FAM107B: variants seen among roughly 807,000 people sequenced by gnomAD.
FAM107B encodes the protein family with sequence similarity 107 member B.
In FAM107B, 21 loss-of-function variants were observed where a neutral mutation model predicts 31.5. That is an observed-to-expected ratio of 0.67 (90% CI 0.47 to 0.96). The LOEUF (loss-of-function observed/expected upper bound fraction) is 0.96. Ranked by LOEUF, FAM107B falls within the 40% of genes least tolerant of loss-of-function variation. The pLI is 0.00. For synonymous variants in FAM107B, 157 were observed against 141.5 expected (o/e 1.11, Z -0.78); for missense variants, 452 against 377.1 (o/e 1.20, Z -1.64).
intron 1 of FAM107B, among the ~76,000 whole-genome samples, chr10:14,704,298 TGTTA>T (rs1367020037): frequency 2.0e-5 from 3 of 152,190 alleles, no homozygotes; most frequent in African/African-American, 7.2e-5. Context: ...TGTGTGTGTG[TGTTA>T]GTATGTATCA....
intron 1 of FAM107B, among the ~76,000 whole-genome samples, chr10:14,692,573 T>C (rs541614077): frequency 6.6e-6 from 1 of 152,336 alleles, no homozygotes; most frequent in East Asian, 1.9e-4. Context: ...AAATCTACCT[T>C]ACTTTCCCCT....
chr10:14,766,516 C>T (rs1049423016), intron 1 of FAM107B, among the ~76,000 whole-genome samples: 1 of 151,992 alleles, frequency 6.6e-6, no homozygotes, highest in Non-Finnish European at 1.5e-5. Context: ...CAGAGAGGTA[C>T]TTTGTATTGG....
chr10:14,753,942 C>CTTTT (rs199813069), intron 1 of FAM107B, among the ~76,000 whole-genome samples: 1 of 134,138 alleles, frequency 7.5e-6, no homozygotes, highest in Non-Finnish European at 1.6e-5. Context: ...TCTTTTTTTT[C>CTTTT]TTTTTTTTTT....
At chr10:14,716,716 C>A (rs1176739425) in intron 1 of FAM107B, among the ~76,000 whole-genome samples, 1 of 152,152 alleles carries the variant, frequency 6.6e-6, no homozygotes, top group African/African-American at 2.4e-5. Context: ...TCAAGCACAT[C>A]ATTTAATCTC....
intron 1 of FAM107B, among the ~76,000 whole-genome samples, chr10:14,712,297 A>T (rs944611297): frequency 1.1e-4 from 16 of 152,162 alleles, no homozygotes; most frequent in Non-Finnish European, 2.9e-5. Context: ...AAAAATGTTT[A>T]AAAAGAAGTT....
chr10:14,724,329 A>T (rs953355580), intron 1 of FAM107B, among the ~76,000 whole-genome samples: 2 of 152,216 alleles, frequency 1.3e-5, no homozygotes, highest in Non-Finnish European at 2.9e-5. Flanking sequence ...ATGTCTATCC[A>T]GTTGTCCCAA....
At chr10:14,596,051 T>C (rs1280153143) in intron 2 of FAM107B, among the ~76,000 whole-genome samples, 2 of 152,194 alleles carry the variant, frequency 1.3e-5, no homozygotes, top group African/African-American at 4.8e-5. Flanking sequence ...TGGACCCCAC[T>C]GCACAGCTCT....
At chr10:14,630,744 G>A (rs911082637) in intron 2 of FAM107B, among the ~76,000 whole-genome samples, 1 of 151,888 alleles carries the variant, frequency 6.6e-6, no homozygotes, top group Non-Finnish European at 1.5e-5. Flanking sequence ...CCAGCTACTT[G>A]GGAGGCTAAG....
intron 1 of FAM107B, among the ~76,000 whole-genome samples, chr10:14,683,579 A>G (rs1188848497): frequency 6.6e-6 from 1 of 152,226 alleles, no homozygotes; most frequent in Non-Finnish European, 1.5e-5. Context: ...TAAAGTAAAC[A>G]CTTATCAAAC....
In FAM107B at chr10:14,774,320, C is replaced by T. The variant is rs761473780; in HGVS notation, c.344G>A (p.Gly115Glu). Residue 115 changes from glycine to glutamate, a missense_variant, in exon 1 of 5, where the codon GGG (glycine) becomes GAG (glutamate). Gly to Glu is a moderately conservative substitution (Grantham distance 98, BLOSUM62 -2). Transcript: ENST00000181796. Reference sequence around the variant, plus strand: ...AAACACCACTGCTTCACAGTCCGCCCCATCATCCAGGGACCCGGGCACATC... The same window carrying T: ...AAACACCACTGCTTCACAGTCCGCCTCATCATCCAGGGACCCGGGCACATC... ...PEDVPGSLDDGADCEAVVFHA... is the reference protein window; with the variant it reads ...PEDVPGSLDDEADCEAVVFHA... 1.2e-6 allele frequency: 2 copies of T among 1,614,210 alleles called. No individual in the cohort carries two copies. Among genetic ancestry groups the T allele is most frequent in the South Asian group, 2.2e-5 (2 of 91,078 alleles).
intron 3 of FAM107B, among the ~76,000 whole-genome samples, chr10:14,525,508 G>A (rs1846131876): frequency 1.3e-5 from 2 of 152,172 alleles, no homozygotes; most frequent in African/African-American, 4.8e-5. Context: ...CATCGCAAAT[G>A]TTCTATGTGA....
At chr10:14,555,501 T>G (rs1849616159) in intron 2 of FAM107B, among the ~76,000 whole-genome samples, 1 of 152,260 alleles carries the variant, frequency 6.6e-6, no homozygotes, top group Non-Finnish European at 1.5e-5. Flanking sequence ...CTTCTGTCTT[T>G]AATCTAGTTT....
At chr10:14,686,927 G>A (rs1350358662) in intron 1 of FAM107B, among the ~76,000 whole-genome samples, 1 of 152,180 alleles carries the variant, frequency 6.6e-6, no homozygotes, top group Non-Finnish European at 1.5e-5. Context: ...AACTTTTAAA[G>A]CAATATTATT....
chr10:14,729,143 T>C (rs1023602397), intron 1 of FAM107B, among the ~76,000 whole-genome samples: 4 of 152,088 alleles, frequency 2.6e-5, no homozygotes, highest in Admixed American at 6.6e-5. Context: ...CAGATGTGCA[T>C]TGTCATACCT....
chr10:14,666,992 A>G (rs150670839), intron 2 of FAM107B, among the ~76,000 whole-genome samples: 148 of 152,332 alleles, frequency 9.7e-4, no homozygotes, highest in African/African-American at 3.3e-3. Flanking sequence ...GAATCACATA[A>G]AACACCAAAC....
intron 1 of FAM107B, among the ~76,000 whole-genome samples, chr10:14,725,084 C>T (rs1001671774): frequency 6.6e-6 from 1 of 152,212 alleles, no homozygotes; most frequent in Non-Finnish European, 1.5e-5. Context: ...AGAAACAGCA[C>T]CTGAGGACCA....
chr10:14,640,549 T>C (rs1458576870), intron 2 of FAM107B, among the ~76,000 whole-genome samples: 1 of 152,186 alleles, frequency 6.6e-6, no homozygotes, highest in Non-Finnish European at 1.5e-5. Flanking sequence ...CAGTGTGACC[T>C]AGCTGAGGGG....
At chr10:14,684,657 G>C (rs1378207379) in intron 1 of FAM107B, among the ~76,000 whole-genome samples, 9 of 152,082 alleles carry the variant, frequency 5.9e-5, no homozygotes, top group African/African-American at 1.9e-4. Flanking sequence ...GTGAATGATA[G>C]AATGTGATAG....
chr10:14,556,424 C>T, intron 2 of FAM107B: 1 of 985,436 alleles, frequency 1.0e-6, no homozygotes, highest in Non-Finnish European at 1.2e-6. Flanking sequence ...GGAAATACAC[C>T]AGTCAGCACT....
Sources: gnomAD v4.1 joint callset for allele counts (sites outside exome capture counted in the v4.1 genomes callset) on GRCh38, gnomAD v4.1.1 for gene constraint, MANE v1.5 for transcripts, NCBI Gene and HGNC (gene_info 2026-07-23, HGNC 2026-07-21) for gene names.